GSE1: variants seen among roughly 807,000 people sequenced by gnomAD.
GSE1 encodes the protein Gse1 coiled-coil protein, also known as genetic suppressor element 1.
In GSE1, 32 loss-of-function variants were observed where a neutral mutation model predicts 112.6. That is an observed-to-expected ratio of 0.28 (90% CI 0.21 to 0.38). The LOEUF (loss-of-function observed/expected upper bound fraction) is 0.38. Ranked by LOEUF, GSE1 falls within the 10% of genes least tolerant of loss-of-function variation. The pLI is 1.00. For synonymous variants in GSE1, 1,115 were observed against 735.6 expected (o/e 1.52, Z -8.35); for missense variants, 2,348 against 1,699.2 (o/e 1.38, Z -6.71).
At chr16:85,218,468 A>G (rs1446666869) in intron 1 of GSE1, among the ~76,000 whole-genome samples, 3 of 152,322 alleles carry the variant, frequency 2.0e-5, no homozygotes, top group African/African-American at 7.2e-5. Context: ...GCGGAGTGCC[A>G]GGCACACTTC....
At chr16:85,328,505 G>C (rs973170597) in intron 1 of GSE1, among the ~76,000 whole-genome samples, 1 of 152,246 alleles carries the variant, frequency 6.6e-6, no homozygotes, top group African/African-American at 2.4e-5. Flanking sequence ...CAAGCTCTCA[G>C]CCGACTGGCG....
intron 2 of GSE1, among the ~76,000 whole-genome samples, chr16:85,438,114 C>T (rs1347776089): frequency 1.3e-5 from 2 of 152,132 alleles, no homozygotes; most frequent in South Asian, 4.1e-4. Flanking sequence ...TTCTCTGTGT[C>T]CCCCGGATAG....
At chr16:85,379,372 G>C (rs573410647) in intron 2 of GSE1, among the ~76,000 whole-genome samples, 51 of 152,272 alleles carry the variant, frequency 3.3e-4, no homozygotes, top group African/African-American at 1.2e-3. Flanking sequence ...GGCCCCGTGA[G>C]GTGGCCCTCG....
intron 2 of GSE1, among the ~76,000 whole-genome samples, chr16:85,547,964 A>T (rs1382390408): frequency 6.6e-6 from 1 of 151,756 alleles, no homozygotes; most frequent in African/African-American, 2.4e-5. Context: ...GAGGTGGCTC[A>T]TGCCTGTAAT....
intron 2 of GSE1, among the ~76,000 whole-genome samples, chr16:85,425,230 TC>T (rs1383435111): frequency 6.7e-6 from 1 of 148,374 alleles, no homozygotes; most frequent in Non-Finnish European, 1.5e-5. Flanking sequence ...TTGAGGCATT[TC>T]AACAGAGAGG....
At chr16:85,487,652 C>A (rs556457963) in intron 2 of GSE1, among the ~76,000 whole-genome samples, 349 of 152,266 alleles carry the variant, frequency 2.3e-3, no homozygotes, top group African/African-American at 8.1e-3. Flanking sequence ...TGGGAATCAC[C>A]CCGCGATACA....
intron 1 of GSE1, among the ~76,000 whole-genome samples, chr16:85,280,255 C>T (rs2044818469): frequency 6.6e-6 from 1 of 152,142 alleles, no homozygotes. Flanking sequence ...TTTCCATTGG[C>T]CAGGTGACCT....
At position 85,383,023 on chromosome 16, in the gene GSE1, C is replaced by T. The variant is rs376405295; in HGVS notation, c.2464+25380C>T. ...CAACACATGCACACACGGTTGCACC[C>T]ACACATGCACACACACACCGTGTAC... On this transcript the variant is annotated intron_variant, in intron 2 of 2. Transcript: ENST00000637419. 7.9e-5 allele frequency among the ~76,000 whole-genome samples: 12 copies of T among 151,964 alleles called. No homozygotes were observed. The South Asian group carries it at 2.5e-3, about 32-fold the overall frequency.
intron 1 of GSE1, among the ~76,000 whole-genome samples, chr16:85,316,648 A>G (rs1196808904): frequency 1.3e-5 from 2 of 152,214 alleles, no homozygotes; most frequent in Non-Finnish European, 1.5e-5. Context: ...GCCACCTGCA[A>G]GGACAGCAGA....
intron 1 of GSE1, among the ~76,000 whole-genome samples, chr16:85,213,612 T>C (rs2075262656): frequency 6.6e-6 from 1 of 152,224 alleles, no homozygotes; most frequent in South Asian, 2.1e-4. Context: ...CTGCACGGAT[T>C]GCAACAGCCA....
At chr16:85,571,830 G>C (rs1177875340) in intron 1 of GSE1, among the ~76,000 whole-genome samples, 1 of 152,166 alleles carries the variant, frequency 6.6e-6, no homozygotes, top group African/African-American at 2.4e-5. Context: ...GGCAGCAAGG[G>C]ACATGTTTGG....
At chr16:85,483,215 T>C (rs943853764) in intron 2 of GSE1, among the ~76,000 whole-genome samples, 3 of 152,222 alleles carry the variant, frequency 2.0e-5, no homozygotes, top group African/African-American at 7.2e-5. Context: ...ATGCAAACAT[T>C]CTGAAACCTG....
Position 85,663,648 on chromosome 16 carries a change from C to T in GSE1, c.2644+34C>T, listed in dbSNP as rs373816323. 5 of 1,586,698 alleles carry T rather than the reference C, an allele frequency of 3.2e-6. No homozygotes were observed. In the African/African-American group the frequency reaches 4.1e-5, roughly 13 times the overall value. ...TCGCCTGGGTAGGAAGGTGGGGGCT[C>T]ACTGGGGTGGAAGTGGGTTTCTGAA... is the stretch of plus-strand genomic sequence containing the variant. On this transcript the variant is annotated intron_variant, in intron 11 of 15. Transcript: ENST00000253458.
intron 3 of GSE1, among the ~76,000 whole-genome samples, chr16:85,650,602 A>G (rs1314842466): frequency 6.6e-6 from 1 of 152,150 alleles, no homozygotes; most frequent in Non-Finnish European, 1.5e-5. Flanking sequence ...GAGCTACCCC[A>G]GAGCAGAGCA....
chr16:85,352,421 C>CA (rs1480543821), intron 1 of GSE1, among the ~76,000 whole-genome samples: 2 of 152,196 alleles, frequency 1.3e-5, no homozygotes, highest in African/African-American at 4.8e-5. Flanking sequence ...CTCCGAGGCC[C>CA]AGTCTGCTTG....
intron 1 of GSE1, among the ~76,000 whole-genome samples, chr16:85,185,608 C>T (rs1395796705): frequency 2.0e-5 from 3 of 152,256 alleles, no homozygotes; most frequent in African/African-American, 7.2e-5. Context: ...TGGTTCTGAG[C>T]ATATTGGCCA....
chr16:85,170,614 G>C, exon 1 of GSE1: 2 of 985,498 alleles, frequency 2.0e-6, no homozygotes, highest in Non-Finnish European at 2.4e-6. Context: ...GGCGGCACCA[G>C]CAGAAGGCCT....
intron 2 of GSE1, among the ~76,000 whole-genome samples, chr16:85,450,464 T>C (rs1313915164): frequency 6.6e-6 from 1 of 151,142 alleles, no homozygotes; most frequent in African/African-American, 2.4e-5. Flanking sequence ...TTATTTTTAT[T>C]TTTGAGACAG....
chr16:85,370,056 G>A (rs1287102480), intron 2 of GSE1, among the ~76,000 whole-genome samples: 1 of 152,118 alleles, frequency 6.6e-6, no homozygotes, highest in Admixed American at 6.5e-5. Context: ...AGCCCTCTAG[G>A]TGGTCCCTGC....
Sources: gnomAD v4.1 joint callset for allele counts (sites outside exome capture counted in the v4.1 genomes callset) on GRCh38, gnomAD v4.1.1 for gene constraint, MANE v1.5 for transcripts, NCBI Gene and HGNC (gene_info 2026-07-23, HGNC 2026-07-21) for gene names.